The following ARMC9 variants were observed in gnomAD, a reference collection of about 807,000 sequenced individuals.
ARMC9 encodes armadillo repeat containing 9.
Under a neutral mutation model 107.0 loss-of-function variants are expected in ARMC9, and 94 were observed. That is an observed-to-expected ratio of 0.88 (90% CI 0.74 to 1.04). ARMC9 has a LOEUF of 1.04. Among genes scored for constraint, ARMC9 ranks in the 50% least tolerant of loss-of-function variants. The pLI, the probability that ARMC9 is intolerant of heterozygous loss-of-function variation, is 0.00. For missense variants in ARMC9, 942 were observed against 1,030.1 expected (o/e 0.91, Z 1.17); for synonymous variants, 380 against 396.9 (o/e 0.96, Z 0.51).
rs1289622714 is a variant in ARMC9, at chr2:231,300,993, A to AC, written c.1773+4747dup. The stretch of plus-strand genomic sequence containing the variant: ...TTGCCTCTCCACTGCACTCACATCA[A>AC]CCCCCCCAAGAAACCCATGTTAGTG... On this transcript the variant is annotated intron_variant, in intron 19 of 24. Coordinates refer to ENST00000611582, the MANE Select transcript of ARMC9 (RefSeq NM_001352754.2). 7.3e-5 allele frequency among the ~76,000 whole-genome samples: 11 copies of AC among 151,406 alleles called. No homozygotes were observed. In the East Asian group the frequency reaches 1.2e-3, roughly 16 times the overall value.
Position 231,374,354 on chromosome 2 carries a change from CT to C in ARMC9, c.*2821del, listed in dbSNP as rs2125603649. 1 of 152,254 alleles carries C rather than the reference CT, an allele frequency of 6.6e-6. No individual in the cohort carries two copies. The highest frequency in any genetic ancestry group is 2.4e-5 in the African/African-American group (1 of 41,542). 9.4% of individuals were successfully genotyped at this position (152,254 alleles called of 1,614,324 possible). A position where few individuals can be genotyped will look rare whatever the true frequency, so the allele number is the denominator to read the frequency against. ...AGCCGCCCCTCTGGTTACCTCACATCTTCTGGTTTCTTCTGAGTGGGACTTG... is the reference window on the plus strand; with the variant it reads ...AGCCGCCCCTCTGGTTACCTCACATCTCTGGTTTCTTCTGAGTGGGACTTG... On this transcript the variant is annotated 3_prime_UTR_variant, in exon 25 of 25. Transcript: ENST00000611582.
intron 7 of ARMC9, among the ~76,000 whole-genome samples, chr2:231,234,145 G>A (rs2035497018): frequency 6.6e-6 from 1 of 152,202 alleles, no homozygotes; most frequent in Non-Finnish European, 1.5e-5. Flanking sequence ...ACTTGGATCA[G>A]GACAATAGTG....
At chr2:231,251,633 T>C (rs1344348248) in intron 9 of ARMC9, among the ~76,000 whole-genome samples, 4 of 152,260 alleles carry the variant, frequency 2.6e-5, no homozygotes, top group Non-Finnish European at 5.9e-5. Context: ...TCACTGCGTA[T>C]CACTAGCGCA....
At chr2:231,269,962 T>A (rs1265310810) in intron 12 of ARMC9, among the ~76,000 whole-genome samples, 1 of 130,422 alleles carries the variant, frequency 7.7e-6, no homozygotes, top group Non-Finnish European at 1.5e-5. Flanking sequence ...AGATTTGGAG[T>A]GAAGGGGACC....
At position 231,259,043 on chromosome 2, in the gene ARMC9, A is replaced by G; in HGVS notation, c.967A>G (p.Lys323Glu). The G allele has an allele frequency of 6.2e-7, 1 of 1,614,162 alleles. No individual in the cohort carries two copies. Among genetic ancestry groups the G allele is most frequent in the Non-Finnish European group, 8.5e-7 (1 of 1,180,002 alleles). Residue 323 changes from lysine to glutamate, a missense_variant, in exon 11 of 25, where the codon AAG (lysine) becomes GAG (glutamate). Coordinates refer to ENST00000611582, the MANE Select transcript of ARMC9 (RefSeq NM_001352754.2). ...LPSLDYEKLK[K>E]DLILGSDRLK... ...CTCCTTGGATTATGAGAAACTGAAGAAGGATTTGATTTTGGGGAGTGACCG... is the reference window on the plus strand; with the variant it reads ...CTCCTTGGATTATGAGAAACTGAAGGAGGATTTGATTTTGGGGAGTGACCG...
At chr2:231,285,129 C>G (rs1225333596) in intron 17 of ARMC9, among the ~76,000 whole-genome samples, 1 of 151,882 alleles carries the variant, frequency 6.6e-6, no homozygotes, top group East Asian at 1.9e-4. Flanking sequence ...ACCCAGGAGG[C>G]AGAGGTTGCA....
At chr2:231,338,221 C>CTT (rs869272919) in intron 20 of ARMC9, among the ~76,000 whole-genome samples, 15 of 141,672 alleles carry the variant, frequency 1.1e-4, no homozygotes, top group Non-Finnish European at 1.1e-4. Context: ...GTGAAGTTCA[C>CTT]TTTTTTTTTT....
intron 2 of ARMC9, among the ~76,000 whole-genome samples, chr2:231,207,547 C>A (rs111530579): frequency 6.6e-6 from 1 of 151,658 alleles, no homozygotes; most frequent in African/African-American, 2.4e-5. Flanking sequence ...GCTTTCTCTG[C>A]TCACTGCAAC....
chr2:231,324,815 C>T (rs933576036), intron 19 of ARMC9, among the ~76,000 whole-genome samples: 1 of 151,946 alleles, frequency 6.6e-6, no homozygotes, highest in South Asian at 2.1e-4. Flanking sequence ...GTGACTCACG[C>T]CTATAACCCT....
rs2038447358 is a variant in ARMC9, at chr2:231,262,349, T to C, written c.1070T>C (p.Leu357Pro). 1.9e-6 allele frequency: 3 copies of C among 1,614,240 alleles called. No individual in the cohort carries two copies. The highest frequency in any genetic ancestry group is 2.5e-6 in the Non-Finnish European group (3 of 1,180,044). ...SHPGEQRETV[L>P]QAYISNDLLD... is the part of the protein sequence containing the mutation. ...CCTGGAGAGCAGAGGGAGACCGTTC[T>C]GCAAGCCTACATCAGCAATGACCTC... Residue 357 changes from leucine to proline, a missense_variant, in exon 12 of 25, where the codon CTG becomes CCG. Leu to Pro is a moderately conservative substitution (Grantham distance 98, BLOSUM62 -3). Coordinates refer to ENST00000611582, the MANE Select transcript of ARMC9 (RefSeq NM_001352754.2).
rs1350776318 is a variant in ARMC9 at position 231,374,725 on chromosome 2, G to A, written c.*3190G>A. ...CCTGGCTTGTCTAACCCTAATCCCA[G>A]CCCCAGTTTTAATAAAACTGTATTT... On this transcript the variant is annotated 3_prime_UTR_variant, in exon 25 of 25. Transcript: ENST00000611582. 1 of 152,088 alleles carries A rather than the reference G, an allele frequency of 6.6e-6. No individual in the cohort carries two copies. The highest frequency in any genetic ancestry group is 1.5e-5 in the Non-Finnish European group (1 of 68,004). 9.4% of individuals were successfully genotyped at this position (152,088 alleles called of 1,614,324 possible). A position where few individuals can be genotyped will look rare whatever the true frequency, so the allele number is the denominator to read the frequency against.
intron 3 of ARMC9, among the ~76,000 whole-genome samples, chr2:231,210,587 A>G (rs1352519739): frequency 1.3e-5 from 2 of 152,218 alleles, no homozygotes; most frequent in African/African-American, 4.8e-5. Context: ...ACATGACCAG[A>G]TGATGTGATG....
intron 19 of ARMC9, among the ~76,000 whole-genome samples, chr2:231,327,720 G>C (rs1286975336): frequency 6.6e-6 from 1 of 152,146 alleles, no homozygotes; most frequent in Non-Finnish European, 1.5e-5. Flanking sequence ...GTTCTGTATA[G>C]TTGCATGTTT....
At chr2:231,242,717 T>C (rs1177870785) in intron 9 of ARMC9, among the ~76,000 whole-genome samples, 5 of 152,214 alleles carry the variant, frequency 3.3e-5, no homozygotes, top group Admixed American at 6.5e-5. Flanking sequence ...AAAGACTTAG[T>C]GTTTTCTAGG....
intron 17 of ARMC9, among the ~76,000 whole-genome samples, chr2:231,286,198 C>T (rs1287073871): frequency 6.6e-6 from 1 of 151,982 alleles, no homozygotes; most frequent in Admixed American, 6.6e-5. Flanking sequence ...TTACTGTAAC[C>T]TCCGCCTCCC....
chr2:231,223,819 A>C (rs139836593), intron 6 of ARMC9, among the ~76,000 whole-genome samples: 1 of 152,270 alleles, frequency 6.6e-6, no homozygotes, highest in Non-Finnish European at 1.5e-5. Context: ...TATATCCTTA[A>C]GGCTTTTGTT....
At chr2:231,312,735 T>G (rs1188250459) in intron 19 of ARMC9, among the ~76,000 whole-genome samples, 1 of 152,116 alleles carries the variant, frequency 6.6e-6, no homozygotes, top group East Asian at 1.9e-4. Flanking sequence ...TATACTACCC[T>G]GGCCTTACCA....
intron 19 of ARMC9, among the ~76,000 whole-genome samples, chr2:231,322,312 C>T (rs879589630): frequency 6.6e-5 from 10 of 152,224 alleles, no homozygotes; most frequent in African/African-American, 1.9e-4. Context: ...AGTCCACCCT[C>T]GCTCTCCCAT....
intron 20 of ARMC9, among the ~76,000 whole-genome samples, chr2:231,336,570 T>A (rs537063537): frequency 6.6e-6 from 1 of 152,360 alleles, no homozygotes; most frequent in Admixed American, 6.5e-5. Context: ...ATATGATCTA[T>A]GTTTTCGTCA....
Sources: gnomAD v4.1 joint callset for allele counts (sites outside exome capture counted in the v4.1 genomes callset) on GRCh38, gnomAD v4.1.1 for gene constraint, MANE v1.5 for transcripts, NCBI Gene and HGNC (gene_info 2026-07-23, HGNC 2026-07-21) for gene names.